The following LRBA variants were observed in gnomAD, a reference collection of about 807,000 sequenced individuals.
LRBA encodes the protein lipopolysaccharide-responsive and beige-like anchor protein.
In LRBA, 176 loss-of-function variants were observed where a neutral mutation model predicts 330.0. That is an observed-to-expected ratio of 0.53 (90% CI 0.47 to 0.60). LRBA has a LOEUF of 0.60. Ranked by LOEUF, LRBA falls within the 20% of genes least tolerant of loss-of-function variation. The pLI, the probability that LRBA is intolerant of heterozygous loss-of-function variation, is 0.00. For synonymous variants in LRBA, 1,230 were observed against 1,193.0 expected, an observed-to-expected ratio of 1.03 and a Z score of -0.64; for missense variants, 3,259 against 3,444.8, an observed-to-expected ratio of 0.95 and a Z score of 1.35.
At chr4:150,730,679 A>G (rs1386655018) in intron 36 of LRBA, among the ~76,000 whole-genome samples, 5 of 106,118 alleles carry the variant, frequency 4.7e-5, no homozygotes, top group Admixed American at 8.6e-5. Context: ...TGAGGCTCTG[A>G]AAAAAAAAAA....
intron 40 of LRBA, among the ~76,000 whole-genome samples, chr4:150,501,028 G>GCTAT (rs1760191641): frequency 6.6e-6 from 1 of 152,156 alleles, no homozygotes; most frequent in Non-Finnish European, 1.5e-5. Flanking sequence ...GGAACTAAAT[G>GCTAT]CTATGCTCAC....
At chr4:150,687,362 C>A (rs1171807183) in intron 36 of LRBA, among the ~76,000 whole-genome samples, 2 of 151,854 alleles carry the variant, frequency 1.3e-5, no homozygotes, top group Non-Finnish European at 2.9e-5. Context: ...GTACAAGAGA[C>A]CTTAACAAAT....
chr4:150,870,578 A>G lies in LRBA; in HGVS notation c.2396T>C (p.Val799Ala). The change falls in exon 20 of 57, where the codon GTG becomes GCG. Residue 799 changes from valine (V) to alanine (A), a missense_variant. Coordinates refer to ENST00000651943, the MANE Select transcript of LRBA (RefSeq NM_001364905.1). ...EILIEQIGTQVIHKQHPDPDS... is the reference protein window; with the variant it reads ...EILIEQIGTQAIHKQHPDPDS... The stretch of plus-strand genomic sequence containing the variant: ...AGGATCTGGATGCTGTTTATGTATC[A>G]CCTGAGTACCAATCTGTTCTATAAG... The G allele has an allele frequency of 1.9e-6, 3 of 1,580,292 alleles. No homozygotes were observed. Among genetic ancestry groups the G allele is most frequent in the Non-Finnish European group, 2.6e-6 (3 of 1,149,986 alleles).
chr4:150,330,978 T>G (rs78637343), intron 48 of LRBA, among the ~76,000 whole-genome samples: 8,385 of 152,096 alleles, frequency 0.055, 564 homozygotes, highest in African/African-American at 0.16. Context: ...TAAGGAGTGT[T>G]AAGTAAAGGC....
intron 35 of LRBA, among the ~76,000 whole-genome samples, chr4:150,741,371 GA>G (rs1182735746): frequency 1.3e-5 from 2 of 152,052 alleles, no homozygotes; most frequent in Non-Finnish European, 2.9e-5. Context: ...CTTCACAAAA[GA>G]AGATTTCCAA....
At chr4:150,429,029 A>G (rs1750019450) in intron 46 of LRBA, among the ~76,000 whole-genome samples, 1 of 152,124 alleles carries the variant, frequency 6.6e-6, no homozygotes, top group Non-Finnish European at 1.5e-5. Flanking sequence ...ACCAATGAGG[A>G]AAACAGTCAA....
At chr4:150,977,568 CAGT>C (rs1231809768) in intron 2 of LRBA, among the ~76,000 whole-genome samples, 1 of 151,986 alleles carries the variant, frequency 6.6e-6, no homozygotes, top group African/African-American at 2.4e-5. Flanking sequence ...ACCTCGGACA[CAGT>C]GGTGTAAAGC....
chr4:150,442,052 T>C (rs1241821057), intron 44 of LRBA, among the ~76,000 whole-genome samples: 1 of 152,140 alleles, frequency 6.6e-6, no homozygotes, highest in African/African-American at 2.4e-5. Context: ...CTTTCAGAAG[T>C]GAAATTCCAA....
intron 34 of LRBA, among the ~76,000 whole-genome samples, chr4:150,777,376 A>G (rs1228326074): frequency 6.8e-6 from 1 of 147,006 alleles, no homozygotes; most frequent in African/African-American, 2.7e-5. Context: ...TTTATATTAA[A>G]GAATAAAGAA....
chr4:150,449,009 G>C (rs890668743), intron 44 of LRBA, among the ~76,000 whole-genome samples: 4 of 151,958 alleles, frequency 2.6e-5, no homozygotes, highest in African/African-American at 7.3e-5. Context: ...GAAGACCAGG[G>C]GGTAGCTCTC....
chr4:150,696,362 G>A (rs1784617965), intron 36 of LRBA, among the ~76,000 whole-genome samples: 1 of 152,190 alleles, frequency 6.6e-6, no homozygotes. Flanking sequence ...TAGATGACTT[G>A]AGTTTTAACT....
intron 17 of LRBA, among the ~76,000 whole-genome samples, chr4:150,882,431 T>C (rs1728497960): frequency 6.6e-6 from 1 of 152,328 alleles, no homozygotes; most frequent in East Asian, 1.9e-4. Context: ...ATGAAATTTA[T>C]ATATTTATCT....
At chr4:150,469,530 T>C (rs988329170) in intron 43 of LRBA, among the ~76,000 whole-genome samples, 1 of 152,208 alleles carries the variant, frequency 6.6e-6, no homozygotes, top group African/African-American at 2.4e-5. Flanking sequence ...TTAAACTTGT[T>C]ATATAAGTTT....
intron 17 of LRBA, 53 bp downstream of exon 17, chr4:150,892,999 T>C: frequency 1.8e-6 from 2 of 1,109,770 alleles, no homozygotes; most frequent in South Asian, 2.9e-5. Context: ...TTTAAGAAGC[T>C]TTCAAATATT....
intron 47 of LRBA, among the ~76,000 whole-genome samples, chr4:150,390,738 C>A (rs902978766): frequency 2.0e-5 from 3 of 152,092 alleles, no homozygotes; most frequent in Non-Finnish European, 4.4e-5. Flanking sequence ...CCCCCTAATA[C>A]CTTTATTCTT....
intron 37 of LRBA, among the ~76,000 whole-genome samples, chr4:150,653,376 C>T (rs1456149653): frequency 6.6e-6 from 1 of 152,152 alleles, no homozygotes; most frequent in Non-Finnish European, 1.5e-5. Flanking sequence ...ATTTGCCATG[C>T]TTTAATCTAT....
chr4:150,436,895 A>G (rs370537852), intron 44 of LRBA, 31 bp from the exon 45 acceptor site: 107 of 1,601,790 alleles, frequency 6.7e-5, no homozygotes, highest in Middle Eastern at 1.7e-4. Flanking sequence ...AACAAAGAAT[A>G]CATCAATGTA....
At chr4:150,828,663 T>A (rs904480071) in intron 29 of LRBA, 42 bp from the exon 30 acceptor site, 2 of 1,500,262 alleles carry the variant, frequency 1.3e-6, no homozygotes, top group African/African-American at 2.8e-5. Flanking sequence ...CAAACAAAAG[T>A]TTAGAACTAA....
rs528827122 is a variant in LRBA at position 150,394,720 on chromosome 4, G to C, written c.7194+20718C>G. Among the ~76,000 whole-genome samples, 3 of 152,268 alleles carry C rather than the reference G, an allele frequency of 2.0e-5. No individual in the cohort carries two copies. The East Asian group carries it at 5.8e-4, about 29-fold the overall frequency. On this transcript the variant is annotated intron_variant, in intron 47 of 56. Transcript: ENST00000651943. The stretch of plus-strand genomic sequence containing the variant: ...CAATGGGTAGAATTTACATGGCACA[G>C]GCTTCACTTGGTATAAGAGTTATTT...
Sources: gnomAD v4.1 joint callset for allele counts (sites outside exome capture counted in the v4.1 genomes callset) on GRCh38, gnomAD v4.1.1 for gene constraint, MANE v1.5 for transcripts, NCBI Gene and HGNC (gene_info 2026-07-23, HGNC 2026-07-21) for gene names.